The following CACNA1E variants were observed in gnomAD, a reference collection of about 807,000 sequenced individuals.
CACNA1E encodes calcium voltage-gated channel subunit alpha1 E.
Under a neutral mutation model 259.2 loss-of-function variants are expected in CACNA1E, and 40 were observed. The ratio of observed to expected loss-of-function variants is 0.15; its 90% CI spans 0.12 to 0.20. CACNA1E has a LOEUF of 0.20. Ranked by LOEUF, CACNA1E falls within the 10% of genes least tolerant of loss-of-function variation. The pLI, the probability that CACNA1E is intolerant of heterozygous loss-of-function variation, is 1.00. For missense variants in CACNA1E, 1,874 were observed against 3,040.1 expected, an observed-to-expected ratio of 0.62 and a Z score of 9.02; for synonymous variants, 1,104 against 1,138.5, an observed-to-expected ratio of 0.97 and a Z score of 0.61.
chr1:181,792,671 C>T (rs1661427524), intron 44 of CACNA1E, among the ~76,000 whole-genome samples: 1 of 57,798 alleles, frequency 1.7e-5, no homozygotes, highest in Non-Finnish European at 3.6e-5. Context: ...TTCCTTTGGG[C>T]AATGCCCTGT....
intron 2 of CACNA1E, among the ~76,000 whole-genome samples, chr1:181,440,558 G>A (rs574245509): frequency 6.6e-6 from 1 of 152,214 alleles, no homozygotes; most frequent in South Asian, 2.1e-4. Flanking sequence ...GGTAGGCAGA[G>A]GCAGAAAGGG....
At chr1:181,619,441 G>A (rs748591109) in intron 6 of CACNA1E, among the ~76,000 whole-genome samples, 1 of 152,152 alleles carries the variant, frequency 6.6e-6, no homozygotes, top group Non-Finnish European at 1.5e-5. Flanking sequence ...AGCCAGGTCA[G>A]GTAGAATCCT....
At chr1:181,350,616 T>A (rs1183452374) in intron 1 of CACNA1E, among the ~76,000 whole-genome samples, 3 of 152,134 alleles carry the variant, frequency 2.0e-5, no homozygotes, top group Non-Finnish European at 2.9e-5. Context: ...GTGCTTGCAC[T>A]AACCTTGACC....
chr1:181,705,879 G>T (rs1235595795), intron 7 of CACNA1E, among the ~76,000 whole-genome samples: 1 of 152,186 alleles, frequency 6.6e-6, no homozygotes, highest in African/African-American at 2.4e-5. Flanking sequence ...TGTCCAGTTT[G>T]TAAGCAGCAG....
intron 46 of CACNA1E, among the ~76,000 whole-genome samples, chr1:181,795,998 A>G (rs545150577): frequency 5.4e-4 from 82 of 151,864 alleles, no homozygotes; most frequent in African/African-American, 1.9e-3. Context: ...TGCTGGTGCC[A>G]CCTTCCCCCC....
chr1:181,743,398 T>C (rs1213800932), intron 25 of CACNA1E, among the ~76,000 whole-genome samples: 3 of 152,246 alleles, frequency 2.0e-5, no homozygotes, highest in African/African-American at 7.2e-5. Flanking sequence ...CCATCGCTGC[T>C]GCTTCCCAGA....
At chr1:181,791,835 T>C (rs1158232340) in intron 44 of CACNA1E, among the ~76,000 whole-genome samples, 2 of 152,212 alleles carry the variant, frequency 1.3e-5, no homozygotes, top group Non-Finnish European at 2.9e-5. Flanking sequence ...CCGCTGCTAC[T>C]GTGTACCTCA....
chr1:181,722,662 G>A (rs1411334947), intron 16 of CACNA1E, among the ~76,000 whole-genome samples: 1 of 152,214 alleles, frequency 6.6e-6, no homozygotes, highest in African/African-American at 2.4e-5. Flanking sequence ...TTATTTGCAT[G>A]TGATTTATAA....
chr1:181,329,553 T>C (rs1467437745), intron 1 of CACNA1E, among the ~76,000 whole-genome samples: 1 of 152,186 alleles, frequency 6.6e-6, no homozygotes, highest in Non-Finnish European at 1.5e-5. Flanking sequence ...CTGCAGGCCT[T>C]TGCACATGCT....
chr1:181,736,875 C>T (rs1188506723), intron 22 of CACNA1E, among the ~76,000 whole-genome samples: 1 of 152,094 alleles, frequency 6.6e-6, no homozygotes, highest in African/African-American at 2.4e-5. Context: ...TTGAAATGGT[C>T]TGCTCTGAGC....
rs889578313 is a variant in CACNA1E, at chr1:181,800,418, C to A, written c.*1584C>A. ...GAAGCACTGAGCAAGAGAGCCCTTT[C>A]TTGCCAAGCCAGTGCTCTTTTGGTA... On this transcript the variant is annotated 3_prime_UTR_variant, in exon 48 of 48. Transcript: ENST00000367573. The A allele has an allele frequency of 3.9e-5, 6 of 152,678 alleles. No individual in the cohort carries two copies. Among genetic ancestry groups the A allele is most frequent in the African/African-American group, 1.4e-4 (6 of 41,472 alleles). 9.5% of individuals were successfully genotyped at this position (152,678 alleles called of 1,614,324 possible).
Position 181,763,380 on chromosome 1 carries a change from TTA to T in CACNA1E, c.4690-22_4690-21del, listed in dbSNP as rs370352325. 1.9e-6 allele frequency: 3 copies of T among 1,550,514 alleles called. No homozygotes were observed. The African/African-American group carries it at 4.1e-5, about 21-fold the overall frequency. ...TTCTAAATCACCATAATGTTCCTAA[TTA>T]TATGTTTCCTTTTGGTCCACCAGCT... On this transcript the variant is annotated intron_variant, in intron 33 of 47. Coordinates refer to ENST00000367573, the MANE Select transcript of CACNA1E (RefSeq NM_001205293.3).
chr1:181,756,894 C>T (rs371254375), intron 29 of CACNA1E, 31 bp from the exon 30 acceptor site: 1 of 1,432,536 alleles, frequency 7.0e-7, no homozygotes, highest in African/African-American at 1.4e-5. Context: ...CTGTCATCCA[C>T]CATCTGTGCC....
chr1:181,739,126 G>A (rs745528290), intron 24 of CACNA1E, 21 bp from the exon 25 acceptor site: 2 of 1,453,378 alleles, frequency 1.4e-6, no homozygotes, highest in Non-Finnish European at 1.9e-6. Context: ...GCTCACTGTG[G>A]CTGTTCATAT....
chr1:181,763,758 C>T (rs76958584), intron 34 of CACNA1E, among the ~76,000 whole-genome samples: 1 of 152,300 alleles, frequency 6.6e-6, no homozygotes, highest in African/African-American at 2.4e-5. Flanking sequence ...TAGAAAAACA[C>T]CTTGACTTTG....
At chr1:181,603,157 G>A (rs559303635) in intron 6 of CACNA1E, among the ~76,000 whole-genome samples, 18 of 152,296 alleles carry the variant, frequency 1.2e-4, no homozygotes, top group Admixed American at 3.3e-4. Context: ...ATTTACTGTG[G>A]TGAAAGGATG....
chr1:181,794,073 G>A lies in CACNA1E; in HGVS notation c.6027+280G>A, dbSNP rs112087252. 0.011 allele frequency among the ~76,000 whole-genome samples: 1,662 copies of A among 152,212 alleles called. 32 individuals are homozygous for A. The highest frequency in any genetic ancestry group is 0.038 in the African/African-American group (1,566 of 41,512). On this transcript the variant is annotated intron_variant, in intron 45 of 47. Transcript: ENST00000367573. ...CAGCCATGCAAGAAATATTTTCCAG[G>A]ATTTTCTCTGTGTACTTCTCCATCC... is the stretch of plus-strand genomic sequence containing the variant.
chr1:181,454,638 A>G (rs183527815), intron 2 of CACNA1E, among the ~76,000 whole-genome samples: 46 of 152,326 alleles, frequency 3.0e-4, no homozygotes, highest in Non-Finnish European at 5.7e-4. Flanking sequence ...ATCCATTTTT[A>G]TTAGCATCAT....
Position 181,578,920 on chromosome 1 carries a change from T to C in CACNA1E, c.617-152T>C, listed in dbSNP as rs570532116. 1.5e-4 allele frequency among the ~76,000 whole-genome samples: 23 copies of C among 152,342 alleles called. 1 individual carries two copies. In the South Asian group the frequency reaches 1.9e-3, roughly 12 times the overall value. On this transcript the variant is annotated intron_variant, in intron 4 of 47. Transcript: ENST00000367573. ...ACAGCCTAGCAGAGCTGGGCCTAAT[T>C]TCCTTTAGGAAAGGAGCACATTCTA...
Sources: gnomAD v4.1 joint callset for allele counts (sites outside exome capture counted in the v4.1 genomes callset) on GRCh38, gnomAD v4.1.1 for gene constraint, MANE v1.5 for transcripts, NCBI Gene and HGNC (gene_info 2026-07-23, HGNC 2026-07-21) for gene names.